KMT2D: variants seen among roughly 807,000 people sequenced by gnomAD.
KMT2D encodes the protein histone-lysine N-methyltransferase 2D.
A neutral mutation model predicts 512.7 loss-of-function variants in KMT2D; 55 were observed. That is an observed-to-expected ratio of 0.11 (90% CI 0.09 to 0.13). The LOEUF (loss-of-function observed/expected upper bound fraction) is 0.13, where lower values mean the gene tolerates loss of function less well. KMT2D is among the 10% of genes least tolerant of loss of function. The probability of loss-of-function intolerance (pLI) is 1.00; values close to 1 mark genes in which losing one functional copy is unlikely to be tolerated. For synonymous variants in KMT2D, 2,995 were observed against 2,904.0 expected (o/e 1.03, Z -1.01); for missense variants, 6,061 against 7,127.9 (o/e 0.85, Z 5.39).
At chr12:49,035,966 G>A (rs1052496714) in intron 35 of KMT2D, 3 of 152,254 alleles carry the variant, frequency 2.0e-5, no homozygotes, top group South Asian at 2.1e-4. Context: ...AGCTCTGCTA[G>A]CTGCTGTGTA....
rs776502867 is a variant in KMT2D, at chr12:49,042,291, G to A, written c.5907C>T (p.Pro1969=). Residue 1969 remains proline (P), a synonymous_variant, in exon 29 of 55, where the codon CCC becomes CCT. Transcript: ENST00000301067. This position sits in a 1 kb window ranked among gnomAD's most constrained non-coding sequence, Gnocchi z 4.4. The part of the protein sequence containing the change: ...GGFFSPEPGE[P]DSPWTGSGGT... ...CACCTGAGCCCGTCCAGGGGCTGTCGGGCTCACCGGGTTCCGGGCTAAAGA... is the reference window on the plus strand; with the variant it reads ...CACCTGAGCCCGTCCAGGGGCTGTCAGGCTCACCGGGTTCCGGGCTAAAGA... 13 of 1,559,998 alleles carry A rather than the reference G, an allele frequency of 8.3e-6. No homozygotes were observed. The highest frequency in any genetic ancestry group is 1.4e-5 in the African/African-American group (1 of 73,476).
Position 49,039,402 on chromosome 12 carries a change from C to A in KMT2D, c.8229+33G>T. Reference sequence around the variant, plus strand: ...ATGAAGGTGGAGCAACCTTCAATATCCTGGCCCCACTATCCCTTGCCACTC... The same window carrying A: ...ATGAAGGTGGAGCAACCTTCAATATACTGGCCCCACTATCCCTTGCCACTC... On this transcript the variant is annotated intron_variant, in intron 33 of 54. Transcript: ENST00000301067. This position sits in a 1 kb window ranked among gnomAD's most constrained non-coding sequence, Gnocchi z 5.0. 6.2e-7 allele frequency: 1 copy of A among 1,604,838 alleles called. No homozygotes were observed. The highest frequency in any genetic ancestry group is 8.5e-7 in the Non-Finnish European group (1 of 1,174,684).
rs1947798532 is a variant in KMT2D, at chr12:49,020,001, G to C, written c.*1779C>G. On this transcript the variant is annotated 3_prime_UTR_variant, in exon 55 of 55. Transcript: ENST00000301067. ...AAATGCCCTTTGCCCACAGCCCCTA[G>C]AAGAGAACTGCATATAAGCTTCATC... 1 of 214,972 alleles carries C rather than the reference G, an allele frequency of 4.7e-6. No individual in the cohort carries two copies. The highest frequency in any genetic ancestry group is 2.3e-5 in the African/African-American group (1 of 44,106). 13.3% of individuals were successfully genotyped at this position (214,972 alleles called of 1,614,324 possible). A position where few individuals can be genotyped will look rare whatever the true frequency, so the allele number is the denominator to read the frequency against.
Position 49,051,473 on chromosome 12 carries a change from C to G in KMT2D, c.2210G>C (p.Arg737Pro), listed in dbSNP as rs749732303. The part of the protein sequence containing the change: ...PLPEEPQLCP[R>P]SEGPHLSPRP... The stretch of plus-strand genomic sequence containing the variant: ...GGGTGACAGGTGCGGCCCCTCGGAC[C>G]GGGGGCAGAGTTGCGGCTCCTCAGG... Residue 737 changes from arginine to proline, a missense_variant, in exon 11 of 55, where the codon CGG becomes CCG. Arg to Pro is a moderately radical substitution (Grantham distance 103). Coordinates refer to ENST00000301067, the MANE Select transcript of KMT2D (RefSeq NM_003482.4). The G allele has an allele frequency of 1.9e-6, 3 of 1,612,862 alleles. No homozygotes were observed. The highest frequency in any genetic ancestry group is 3.3e-5 in the Admixed American group (2 of 59,930).
rs1942911095 is a variant in KMT2D at position 49,031,553 on chromosome 12, T to G, written c.13152A>C (p.Ala4384=). Residue 4384 remains alanine (A), a synonymous_variant, in exon 40 of 55, where the codon GCA becomes GCC. Coordinates refer to ENST00000301067, the MANE Select transcript of KMT2D (RefSeq NM_003482.4). ...LGPWDPPDNL[A]ETQKPEQSSL... ...TGCTCTGCTCTGGCTTCTGGGTTTC[T>G]GCTAGGTTGTCTGGGGGATCCCAAG... 6.2e-7 allele frequency: 1 copy of G among 1,603,634 alleles called. No homozygotes were observed. The highest frequency in any genetic ancestry group is 1.3e-5 in the African/African-American group (1 of 74,890).
intron 42 of KMT2D, 75 bp from the exon 43 acceptor site, chr12:49,030,514 C>T (rs1336762367): frequency 1.3e-5 from 19 of 1,447,616 alleles, no homozygotes; most frequent in Admixed American, 1.3e-4. Context: ...CCCCACTCTA[C>T]GTCAGCAATT....
chr12:49,028,256 T>C (rs1041163766), intron 46 of KMT2D, 115 bp from the exon 47 acceptor site: 16 of 1,265,334 alleles, frequency 1.3e-5, no homozygotes, highest in Non-Finnish European at 1.6e-5. Flanking sequence ...AGGGTAGTTC[T>C]ATCCTATGTC....
At position 49,032,002 on chromosome 12, in the gene KMT2D, G is replaced by A; in HGVS notation, c.12703C>T (p.Gln4235Ter). 1 of 1,602,868 alleles carries A rather than the reference G, an allele frequency of 6.2e-7. No homozygotes were observed. The highest frequency in any genetic ancestry group is 8.5e-7 in the Non-Finnish European group (1 of 1,173,014). The stretch of plus-strand genomic sequence containing the variant: ...TAGGGTGGGGTCTGGCGTACTGCCT[G>A]ACTCTGCTGCAGCTGCCGCTGCATG... ...LLMQRQLQQS[Q>*]AVRQTPPYQE... Residue 4235 changes from glutamine (Q) to a stop codon, truncating the protein, a stop_gained, in exon 40 of 55, where the codon CAG becomes TAG. Coordinates refer to ENST00000301067, the MANE Select transcript of KMT2D (RefSeq NM_003482.4). LOFTEE classifies it high-confidence loss of function.
At chr12:49,021,967 A>G in intron 54 of KMT2D, 76 bp downstream of exon 54, 1 of 1,554,622 alleles carries the variant, frequency 6.4e-7, no homozygotes, top group Middle Eastern at 1.7e-4. Flanking sequence ...CTAGGAATCC[A>G]CATTTAGGGA....
At position 49,024,871 on chromosome 12, in the gene KMT2D, T is replaced by C. The variant is rs1390758510; in HGVS notation, c.15860A>G (p.Tyr5287Cys). The change falls in exon 50 of 55, where the codon TAT becomes TGT. Residue 5287 changes from tyrosine (Y) to cysteine (C), a missense_variant. Coordinates refer to ENST00000301067, the MANE Select transcript of KMT2D (RefSeq NM_003482.4). The surrounding 1 kb of genome is among the most constrained non-coding windows in gnomAD (Gnocchi z 4.5). Reference sequence around the variant, plus strand: ...CCCAAAGAGCTCCTCGCCCTTCAGATACTCAGGGAAGAGTCGCAGCATGTC... The same window carrying C: ...CCCAAAGAGCTCCTCGCCCTTCAGACACTCAGGGAAGAGTCGCAGCATGTC... ...EADMLRLFPEYLKGEELFGLT... is the reference protein window; with the variant it reads ...EADMLRLFPECLKGEELFGLT... 6.2e-7 allele frequency: 1 copy of C among 1,610,334 alleles called. No homozygotes were observed. The highest frequency in any genetic ancestry group is 8.5e-7 in the Non-Finnish European group (1 of 1,178,302).
Position 49,037,453 on chromosome 12 carries a change from GC to G in KMT2D, c.9902del (p.Gly3301AlafsTer29). On this transcript the variant is annotated frameshift_variant, in exon 35 of 55. Coordinates refer to ENST00000301067, the MANE Select transcript of KMT2D (RefSeq NM_003482.4). LOFTEE classifies it high-confidence loss of function. ...PAQAMSLPHE[G>X]SSPSLAGSQQ... The stretch of plus-strand genomic sequence containing the variant: ...GGGACCCAGCCAAACTGGGAGAAGA[GC>G]CCTCATGTGGCAAAGACATGGCCTG... 6.3e-7 allele frequency: 1 copy of G among 1,575,358 alleles called. No individual in the cohort carries two copies. Among genetic ancestry groups the G allele is most frequent in the Non-Finnish European group, 8.6e-7 (1 of 1,160,432 alleles).
At chr12:49,048,627 T>C (rs769513811) in intron 14 of KMT2D, 32 bp downstream of exon 14, 6 of 1,377,632 alleles carry the variant, frequency 4.4e-6, no homozygotes, top group South Asian at 2.3e-5. Context: ...ACATACACAA[T>C]GTTCAGTGTG....
At position 49,038,470 on chromosome 12, in the gene KMT2D, C is replaced by T. The variant is rs1179930506; in HGVS notation, c.8886G>A (p.Glu2962=). 5 of 1,607,874 alleles carry T rather than the reference C, an allele frequency of 3.1e-6. No homozygotes were observed. In the African/African-American group the frequency reaches 6.7e-5, roughly 21 times the overall value. ...TGCTCGACGGGGGCCGGTTGACCAG[C>T]TCCAAACCAGTTGGCAGGGTAGGAC... ...TKGPTLPTGL[E]LVNRPPSSTE... Residue 2962 remains glutamate, a synonymous_variant, in exon 35 of 55, where the codon GAG becomes GAA. Coordinates refer to ENST00000301067, the MANE Select transcript of KMT2D (RefSeq NM_003482.4). This position sits in a 1 kb window ranked among gnomAD's most constrained non-coding sequence, Gnocchi z 5.7.
rs758558608 is a variant in KMT2D at position 49,032,366 on chromosome 12, T to C, written c.12339A>G (p.Gly4113=). The C allele has an allele frequency of 1.4e-5, 23 of 1,612,604 alleles. No individual in the cohort carries two copies. The East Asian group carries it at 5.1e-4, about 36-fold the overall frequency. Residue 4113 remains glycine, a synonymous_variant, in exon 40 of 55, where the codon GGA becomes GGG. Transcript: ENST00000301067. ...QQVSLLHTAG[G]GSHGQLGSGS... ...CACTGCCTAGCTGCCCATGGCTTCC[T>C]CCACCTGCTGTGTGGAGCAGGCTAA...
Position 49,051,593 on chromosome 12 carries a change from G to A in KMT2D, c.2090C>T (p.Pro697Leu). 6.3e-7 allele frequency: 1 copy of A among 1,594,458 alleles called. No individual in the cohort carries two copies. The highest frequency in any genetic ancestry group is 8.6e-7 in the Non-Finnish European group (1 of 1,168,278). ...TGAGTCCTCAGGTGGTGGGGATGTGGGGGAGTCCTCAGGTGGTGGGGAGAG... is the reference window on the plus strand; with the variant it reads ...TGAGTCCTCAGGTGGTGGGGATGTGAGGGAGTCCTCAGGTGGTGGGGAGAG... ...SRLSPPPEDS[P>L]TSPPPEDSPA... The change falls in exon 11 of 55, where the codon CCC becomes CTC. Residue 697 changes from proline to leucine, a missense_variant. This residue lies in a region of KMT2D where 848 missense variants were observed against 838.5 expected (regional missense o/e 1.01). Transcript: ENST00000301067.
At chr12:49,055,724 C>T (rs61287555) in intron 1 of KMT2D, among the ~76,000 whole-genome samples, 2,756 of 152,222 alleles carry the variant, frequency 0.018, 85 homozygotes, top group African/African-American at 0.062. Context: ...AGCCCTATTC[C>T]CACACCTTTC....
In KMT2D at chr12:49,033,818, G is replaced by A; in HGVS notation, c.10887C>T (p.Thr3629=). The change falls in exon 40 of 55, where the codon ACC becomes ACT. Residue 3629 remains threonine (T), a synonymous_variant. Coordinates refer to ENST00000301067, the MANE Select transcript of KMT2D (RefSeq NM_003482.4). ...CAGGGAGCAGCTGACCAGGGAGCTT[G>A]GTGAGCAGCCGGGGACTCTGGGAAG... ...LSPSQSPRLL[T]KLPGQLLPGH... 1.3e-6 allele frequency: 2 copies of A among 1,588,982 alleles called. No individual in the cohort carries two copies. The highest frequency in any genetic ancestry group is 2.3e-5 in the South Asian group (2 of 87,648).
At position 49,054,586 on chromosome 12, in the gene KMT2D, G is replaced by A. The variant is rs778827062; in HGVS notation, c.342C>T (p.Asp114=). 6.2e-7 allele frequency: 1 copy of A among 1,613,182 alleles called. No individual in the cohort carries two copies. The highest frequency in any genetic ancestry group is 2.2e-5 in the East Asian group (1 of 44,856). The change falls in exon 4 of 55, where the codon GAC becomes GAT. Residue 114 remains aspartate (D), a synonymous_variant. Coordinates refer to ENST00000301067, the MANE Select transcript of KMT2D (RefSeq NM_003482.4). The surrounding 1 kb of genome is among the most constrained non-coding windows in gnomAD (Gnocchi z 6.4). ...CCTCAGGGAAACCAATCTGTGATAG[G>A]TCCTCACTGGGCAGCACTGCCTCAT... ...GPNEAVLPSE[D]LSQIGFPEGL...
rs756664040 is a variant in KMT2D, at chr12:49,037,423, C to T, written c.9933G>A (p.Gln3311=). 13 of 1,597,594 alleles carry T rather than the reference C, an allele frequency of 8.1e-6. No homozygotes were observed. The South Asian group carries it at 1.5e-4, about 18-fold the overall frequency. The change falls in exon 35 of 55, where the codon CAG becomes CAA. Residue 3311 remains glutamine (Q), a synonymous_variant. Transcript: ENST00000301067. ...CACCTGCAAGACCCAGGGAAAGCTG[C>T]TGTTGGGACCCAGCCAAACTGGGAG... ...GSSPSLAGSQ[Q]QLSLGLAGAR...
Sources: allele counts gnomAD v4.1 joint callset (sites outside exome capture counted in the v4.1 genomes callset), GRCh38; gene constraint gnomAD v4.1.1; regional missense constraint gnomAD v4.1.1; non-coding constraint Gnocchi (gnomAD v3.1); transcripts MANE v1.5; gene names NCBI Gene and HGNC (gene_info 2026-07-23, HGNC 2026-07-21).